The following CDK14 variants were observed in gnomAD, a reference collection of about 807,000 sequenced individuals.
CDK14 encodes cyclin dependent kinase 14.
In CDK14, 34 loss-of-function variants were observed where a neutral mutation model predicts 60.7. That is an observed-to-expected ratio of 0.56 (90% CI 0.43 to 0.75). The LOEUF is 0.75. Among genes scored for constraint, CDK14 ranks in the 30% least tolerant of loss-of-function variants. The pLI is 0.00. For synonymous variants in CDK14, 197 were observed against 203.7 expected (o/e 0.97, Z 0.28); for missense variants, 482 against 564.1 (o/e 0.85, Z 1.47).
intron 12 of CDK14, among the ~76,000 whole-genome samples, chr7:91,085,158 G>C (rs188131325): frequency 6.6e-6 from 1 of 152,288 alleles, no homozygotes; most frequent in African/African-American, 2.4e-5. Context: ...CAGAAGTCTG[G>C]AAGAGCTGAG....
At chr7:90,622,803 A>G (rs1422867791) in intron 2 of CDK14, among the ~76,000 whole-genome samples, 1 of 151,794 alleles carries the variant, frequency 6.6e-6, no homozygotes, top group African/African-American at 2.4e-5. Context: ...CTGTTTATTT[A>G]CCTTGTATAA....
chr7:90,643,191 A>G (rs1037270712), intron 2 of CDK14, among the ~76,000 whole-genome samples: 10 of 152,236 alleles, frequency 6.6e-5, no homozygotes, highest in East Asian at 1.9e-4. Context: ...TCCTGGTGCA[A>G]TTACACACAC....
chr7:91,166,736 A>G (rs1454314228), intron 14 of CDK14, among the ~76,000 whole-genome samples: 1 of 152,178 alleles, frequency 6.6e-6, no homozygotes, highest in Non-Finnish European at 1.5e-5. Context: ...TGTCATTCAG[A>G]GAATATACAA....
intron 9 of CDK14, among the ~76,000 whole-genome samples, chr7:90,959,240 T>C (rs573685362): frequency 6.6e-6 from 1 of 152,256 alleles, no homozygotes; most frequent in South Asian, 2.1e-4. Flanking sequence ...AAATAGCAAA[T>C]GTGTTATGTC....
intron 2 of CDK14, among the ~76,000 whole-genome samples, chr7:90,667,251 C>T (rs561034054): frequency 5.9e-5 from 9 of 152,240 alleles, no homozygotes; most frequent in Non-Finnish European, 1.0e-4. Flanking sequence ...ATAGCAATTC[C>T]TTGGCTAATA....
At chr7:90,618,190 AACAG>A (rs759170713) in intron 2 of CDK14, among the ~76,000 whole-genome samples, 8 of 152,212 alleles carry the variant, frequency 5.3e-5, no homozygotes, top group South Asian at 4.1e-4. Context: ...ATATGGAGGA[AACAG>A]ACAGGTTTTT....
At chr7:90,809,147 C>T (rs1788986523) in intron 5 of CDK14, among the ~76,000 whole-genome samples, 1 of 152,148 alleles carries the variant, frequency 6.6e-6, no homozygotes, top group Non-Finnish European at 1.5e-5. Flanking sequence ...GAACTCTCCA[C>T]CCCAAATCAA....
chr7:90,736,052 C>T (rs1164249916), intron 3 of CDK14, among the ~76,000 whole-genome samples: 1 of 152,172 alleles, frequency 6.6e-6, no homozygotes, highest in East Asian at 1.9e-4. Context: ...GGTACAGTCT[C>T]TCATGGCTTC....
chr7:90,988,354 A>T (rs1457561122), intron 10 of CDK14, among the ~76,000 whole-genome samples: 1 of 152,188 alleles, frequency 6.6e-6, no homozygotes, highest in Non-Finnish European at 1.5e-5. Flanking sequence ...TGGAATTTTG[A>T]TGAATTATAT....
intron 3 of CDK14, among the ~76,000 whole-genome samples, chr7:90,736,877 A>G (rs1349194614): frequency 6.6e-6 from 1 of 152,208 alleles, no homozygotes; most frequent in African/African-American, 2.4e-5. Flanking sequence ...GACTGAAATC[A>G]AGGAACCAAG....
At chr7:90,879,779 T>TAA (rs61468348) in intron 6 of CDK14, among the ~76,000 whole-genome samples, 4 of 143,852 alleles carry the variant, frequency 2.8e-5, no homozygotes, top group African/African-American at 1.0e-4. Flanking sequence ...GCTGCTATTG[T>TAA]AAAAAAAAAA....
At chr7:90,782,994 GA>G (rs1805410512) in intron 4 of CDK14, among the ~76,000 whole-genome samples, 1 of 152,128 alleles carries the variant, frequency 6.6e-6, no homozygotes, top group Non-Finnish European at 1.5e-5. Flanking sequence ...ATTGCAAGAT[GA>G]TAAGACCCTA....
intron 8 of CDK14, among the ~76,000 whole-genome samples, chr7:90,938,567 G>A (rs1441044602): frequency 1.3e-5 from 2 of 152,072 alleles, no homozygotes; most frequent in East Asian, 3.9e-4. Flanking sequence ...GCTACATGAA[G>A]TCAATAATTT....
At chr7:90,889,378 G>A (rs1792045741) in intron 6 of CDK14, among the ~76,000 whole-genome samples, 2 of 152,118 alleles carry the variant, frequency 1.3e-5, no homozygotes, top group Admixed American at 1.3e-4. Context: ...GGATTTTTCA[G>A]GTTGCTGGTT....
chr7:91,016,490 T>A (rs1176140166), intron 10 of CDK14, among the ~76,000 whole-genome samples: 1 of 152,156 alleles, frequency 6.6e-6, no homozygotes, highest in Non-Finnish European at 1.5e-5. Flanking sequence ...TATGGTACCA[T>A]ATGGCTCCAG....
At chr7:90,637,429 A>G (rs1800180406) in intron 2 of CDK14, among the ~76,000 whole-genome samples, 1 of 152,024 alleles carries the variant, frequency 6.6e-6, no homozygotes, top group Non-Finnish European at 1.5e-5. Flanking sequence ...TTCAGTTTCC[A>G]TGTAGTTGAG....
chr7:90,837,295 T>C (rs1790139114), intron 5 of CDK14, among the ~76,000 whole-genome samples: 1 of 151,114 alleles, frequency 6.6e-6, no homozygotes, highest in African/African-American at 2.4e-5. Context: ...TTTTTTCTTT[T>C]TTTTTTTTTT....
intron 12 of CDK14, among the ~76,000 whole-genome samples, chr7:91,080,360 T>C (rs895005989): frequency 6.6e-6 from 1 of 152,224 alleles, no homozygotes; most frequent in Non-Finnish European, 1.5e-5. Context: ...GGACAGCTAA[T>C]GGCGAGGAAC....
chr7:90,708,481 T>C (rs1180091896), intron 2 of CDK14, among the ~76,000 whole-genome samples: 2 of 152,224 alleles, frequency 1.3e-5, no homozygotes, highest in Admixed American at 6.5e-5. Flanking sequence ...AAGATGAAAG[T>C]ATGTAATATT....
Sources: gnomAD v4.1 joint callset for allele counts (sites outside exome capture counted in the v4.1 genomes callset) on GRCh38, gnomAD v4.1.1 for gene constraint, MANE v1.5 for transcripts, NCBI Gene and HGNC (gene_info 2026-07-23, HGNC 2026-07-21) for gene names.